The following CEP126 variants were observed in gnomAD, a reference collection of about 807,000 sequenced individuals.
CEP126 encodes centrosomal protein 126, also known as centrosomal protein of 126 kDa.
A neutral mutation model predicts 107.8 loss-of-function variants in CEP126; 74 were observed. The ratio of observed to expected loss-of-function variants is 0.69; its 90% confidence interval spans 0.57 to 0.83. The LOEUF is 0.83. CEP126 is among the 40% of genes least tolerant of loss of function. CEP126 has a pLI of 0.00. For missense variants in CEP126, 1,237 were observed against 1,281.9 expected (o/e 0.96, Z 0.53); for synonymous variants, 449 against 446.0 (o/e 1.01, Z -0.08).
chr11:101,953,878 C>G (rs1241372108), intron 4 of CEP126, among the ~76,000 whole-genome samples: 1 of 151,726 alleles, frequency 6.6e-6, no homozygotes. Context: ...GAGGGAGTCC[C>G]GGGATTTATT....
intron 2 of CEP126, among the ~76,000 whole-genome samples, chr11:101,929,683 AATACCAGGATG>A (rs893959064): frequency 1.3e-5 from 2 of 152,136 alleles, no homozygotes; most frequent in African/African-American, 4.8e-5. Context: ...AGTCTCTACT[AATACCAGGATG>A]AGGAGAAGAC....
chr11:101,921,867 C>T (rs1940333829), intron 1 of CEP126, among the ~76,000 whole-genome samples: 1 of 133,128 alleles, frequency 7.5e-6, no homozygotes, highest in Non-Finnish European at 1.6e-5. Context: ...CTCACTGCAA[C>T]CTCTGCTTCC....
chr11:101,941,041 C>G (rs1940657153), intron 2 of CEP126, among the ~76,000 whole-genome samples: 1 of 152,158 alleles, frequency 6.6e-6, no homozygotes, highest in South Asian at 2.1e-4. Context: ...TGATTTTAAT[C>G]TCAAGAGCAT....
intron 4 of CEP126, among the ~76,000 whole-genome samples, chr11:101,949,685 G>A (rs1940784192): frequency 6.6e-6 from 1 of 152,154 alleles, no homozygotes; most frequent in African/African-American, 2.4e-5. Context: ...TAAAGAATCA[G>A]ACACATAATG....
intron 10 of CEP126, 30 bp from the exon 11 acceptor site, chr11:101,997,569 G>C (rs1941456859): frequency 3.7e-6 from 6 of 1,613,860 alleles, no homozygotes; most frequent in Non-Finnish European, 5.1e-6. Context: ...GCATGTGTTT[G>C]CATGCTTGTT....
At chr11:101,921,168 T>C (rs1940320522) in intron 1 of CEP126, among the ~76,000 whole-genome samples, 1 of 152,212 alleles carries the variant, frequency 6.6e-6, no homozygotes, top group African/African-American at 2.4e-5. Flanking sequence ...TGACTATACA[T>C]AGTTTTCCTA....
In CEP126 at chr11:101,999,315, A is replaced by G. The variant is rs1941480043; in HGVS notation, c.*1672A>G. 1 of 151,874 alleles carries G rather than the reference A, an allele frequency of 6.6e-6. No homozygotes were observed. The highest frequency in any genetic ancestry group is 1.5e-5 in the Non-Finnish European group (1 of 67,980). The allele number at this position is 151,874 out of a possible 1,614,324, so 9.4% of individuals were successfully genotyped here. ...AACTCACTTTTATTAAAAAAAAAAA[A>G]GACAAGGGTTTATATTCATATACAC... On this transcript the variant is annotated 3_prime_UTR_variant, in exon 11 of 11. Coordinates refer to ENST00000263468, the MANE Select transcript of CEP126 (RefSeq NM_020802.4).
chr11:101,978,185 A>G (rs1464190654), intron 6 of CEP126, among the ~76,000 whole-genome samples, 162 bp from the exon 7 acceptor site: 2 of 152,218 alleles, frequency 1.3e-5, no homozygotes, highest in Non-Finnish European at 2.9e-5. Flanking sequence ...TAACTGTGCC[A>G]TGCTTAGAGC....
intron 6 of CEP126, among the ~76,000 whole-genome samples, chr11:101,970,181 C>T (rs72970246): frequency 0.015 from 2,238 of 152,106 alleles, 21 homozygotes; most frequent in Non-Finnish European, 0.022. Flanking sequence ...GGGCTTATAT[C>T]CAGAAGATAT....
At chr11:101,970,260 A>G (rs908705803) in intron 6 of CEP126, among the ~76,000 whole-genome samples, 1 of 152,238 alleles carries the variant, frequency 6.6e-6, no homozygotes, top group African/African-American at 2.4e-5. Flanking sequence ...TTAATGAAAT[A>G]CTATAATATA....
At chr11:101,959,280 C>T (rs1002907942) in intron 5 of CEP126, among the ~76,000 whole-genome samples, 2 of 151,892 alleles carry the variant, frequency 1.3e-5, no homozygotes, top group Non-Finnish European at 2.9e-5. Flanking sequence ...CCTCACCTCC[C>T]GAGTAGCTGG....
rs761957356 is a variant in CEP126 at position 101,962,908 on chromosome 11, A to C, written c.1873A>C (p.Lys625Gln). Reference sequence around the variant, plus strand: ...AAAGGAAAAAGGTGCAGAAATTCCAAAGACCATTAAAAAACTGAGGTGGTT... The same window carrying C: ...AAAGGAAAAAGGTGCAGAAATTCCACAGACCATTAAAAAACTGAGGTGGTT... Reference protein sequence around the residue: ...LTKEKGAEIPKTIKKLRWFDE... With the variant: ...LTKEKGAEIPQTIKKLRWFDE... Residue 625 changes from lysine (K) to glutamine (Q), a missense_variant, in exon 6 of 11, where the codon AAG (lysine) becomes CAG (glutamine). Transcript: ENST00000263468. 1.9e-6 allele frequency: 3 copies of C among 1,609,882 alleles called. No homozygotes were observed. Among genetic ancestry groups the C allele is most frequent in the South Asian group, 2.2e-5 (2 of 89,590 alleles).
chr11:101,951,442 T>C lies in CEP126; in HGVS notation c.506+3300T>C, dbSNP rs545391273. On this transcript the variant is annotated intron_variant, in intron 4 of 10. Transcript: ENST00000263468. ...TAGAAGGATCACTTGAGCCCAGGAG[T>C]TGGAGCCACAGTGAGCTATGATCAC... Among the ~76,000 whole-genome samples the C allele has an allele frequency of 5.8e-4, 88 of 151,798 alleles. 1 individual carries two copies. The highest frequency in any genetic ancestry group is 1.8e-3 in the African/African-American group (76 of 41,384).
intron 3 of CEP126, among the ~76,000 whole-genome samples, chr11:101,945,305 T>C (rs1235277432): frequency 6.6e-6 from 1 of 152,024 alleles, no homozygotes; most frequent in Non-Finnish European, 1.5e-5. Flanking sequence ...AAAGAACAGC[T>C]TGTACAAATA....
chr11:101,961,502 G>T (rs1940968688), intron 5 of CEP126, among the ~76,000 whole-genome samples: 1 of 151,936 alleles, frequency 6.6e-6, no homozygotes, highest in South Asian at 2.1e-4. Context: ...GAATAAGCAG[G>T]TATTACTTTA....
chr11:101,974,035 T>A, intron 6 of CEP126, among the ~76,000 whole-genome samples: 1 of 152,202 alleles, frequency 6.6e-6, no homozygotes, highest in East Asian at 1.9e-4. Context: ...TTTTTCTCAA[T>A]GTGGTCAGTT....
At chr11:101,933,672 T>C (rs1940532742) in intron 2 of CEP126, among the ~76,000 whole-genome samples, 2 of 152,106 alleles carry the variant, frequency 1.3e-5, no homozygotes, top group Non-Finnish European at 2.9e-5. Context: ...GCCAGCAGCC[T>C]TCTCCAAAAC....
intron 6 of CEP126, among the ~76,000 whole-genome samples, chr11:101,964,126 C>T (rs1435550627): frequency 2.0e-5 from 3 of 148,552 alleles, no homozygotes; most frequent in Admixed American, 6.7e-5. Context: ...GCTAACATAG[C>T]GAAATCCCAT....
chr11:101,963,417 G>C lies in CEP126; in HGVS notation c.2382G>C (p.Gln794His), dbSNP rs749049811. The stretch of plus-strand genomic sequence containing the variant: ...AAGTCAACATATTTACACAAGCTCA[G>C]GGAAAATTAATTATACCTTGTCCTC... ...ASKVNIFTQA[Q>H]GKLIIPCPPP... Residue 794 changes from glutamine (Q) to histidine (H), a missense_variant, in exon 6 of 11, where the codon CAG becomes CAC. Gln to His is a conservative substitution (Grantham distance 24). This residue lies in a region of CEP126 where 1,134 missense variants were observed against 1,150.5 expected (regional missense o/e 0.99). Transcript: ENST00000263468. 2 of 1,614,034 alleles carry C rather than the reference G, an allele frequency of 1.2e-6. No homozygotes were observed. The highest frequency in any genetic ancestry group is 2.2e-5 in the South Asian group (2 of 91,078).
Sources: allele counts gnomAD v4.1 joint callset (sites outside exome capture counted in the v4.1 genomes callset), GRCh38; gene constraint gnomAD v4.1.1; regional missense constraint gnomAD v4.1.1; transcripts MANE v1.5; gene names NCBI Gene and HGNC (gene_info 2026-07-23, HGNC 2026-07-21).